FHIT: variants seen among roughly 807,000 people sequenced by gnomAD.
The protein encoded by FHIT is fragile histidine triad diadenosine triphosphatase.
FHIT carries 19 observed loss-of-function variants against 17.9 expected under a neutral mutation model. That is an observed-to-expected ratio of 1.06 (90% CI 0.74 to 1.56). The LOEUF (loss-of-function observed/expected upper bound fraction) is 1.56. Among genes scored for constraint, FHIT ranks in the 40% most tolerant of loss-of-function variants. The pLI is 0.00. For synonymous variants in FHIT, 81 were observed against 69.7 expected, an observed-to-expected ratio of 1.16 and a Z score of -0.81; for missense variants, 248 against 189.2, an observed-to-expected ratio of 1.31 and a Z score of -1.82.
At position 61,117,897 on chromosome 3, in the gene FHIT, C is replaced by T. The variant is rs186469315; in HGVS notation, c.-163-75798G>A. 7.2e-5 allele frequency among the ~76,000 whole-genome samples: 11 copies of T among 152,208 alleles called. No homozygotes were observed. In the East Asian group the frequency reaches 1.4e-3, roughly 19 times the overall value. On this transcript the variant is annotated intron_variant, in intron 2 of 9. Transcript: ENST00000492590. ...AAGATACTATAATATATTTACCGAACGAATGAACAAAGCTGCGAGTGGCAA... is the reference window on the plus strand; with the variant it reads ...AAGATACTATAATATATTTACCGAATGAATGAACAAAGCTGCGAGTGGCAA...
At chr3:60,975,081 G>A (rs1472192660) in intron 3 of FHIT, among the ~76,000 whole-genome samples, 1 of 152,160 alleles carries the variant, frequency 6.6e-6, no homozygotes, top group Admixed American at 6.5e-5. Context: ...AATAAAATGA[G>A]AATTCCTCAG....
chr3:61,204,229 A>G (rs1207386510), intron 1 of FHIT, among the ~76,000 whole-genome samples: 4 of 152,206 alleles, frequency 2.6e-5, no homozygotes, highest in Non-Finnish European at 4.4e-5. Context: ...AATTCAGGCT[A>G]TCTTTATCTT....
chr3:60,136,311 A>C (rs535291062), intron 5 of FHIT, among the ~76,000 whole-genome samples: 58 of 152,278 alleles, frequency 3.8e-4, no homozygotes, highest in African/African-American at 1.3e-3. Flanking sequence ...TAGTAACTGT[A>C]CTAACAGAGC....
chr3:60,950,418 T>C lies in FHIT; in HGVS notation c.-111+91629A>G, dbSNP rs985647161. Among the ~76,000 whole-genome samples, 17 of 152,294 alleles carry C rather than the reference T, an allele frequency of 1.1e-4. No homozygotes were observed. In the East Asian group the frequency reaches 2.1e-3, roughly 19 times the overall value. On this transcript the variant is annotated intron_variant, in intron 3 of 9. Transcript: ENST00000492590. ...ATAACCTCTTCTCTCCAGCATTCCT[T>C]GCACTTGGGAATTGTTCTATAAAAT...
intron 4 of FHIT, among the ~76,000 whole-genome samples, chr3:60,706,913 T>C (rs2041387580): frequency 6.6e-6 from 1 of 152,192 alleles, no homozygotes; most frequent in African/African-American, 2.4e-5. Flanking sequence ...TTACATCTTT[T>C]CTCATCTTGT....
rs577563075 is a variant in FHIT, at chr3:60,893,077, G to A, written c.-110-71066C>T. 4.6e-5 allele frequency among the ~76,000 whole-genome samples: 7 copies of A among 152,248 alleles called. No individual in the cohort carries two copies. In the South Asian group the frequency reaches 1.5e-3, roughly 32 times the overall value. On this transcript the variant is annotated intron_variant, in intron 3 of 9. Coordinates refer to ENST00000492590, the MANE Select transcript of FHIT (RefSeq NM_002012.4). ...TTAAGCTGAAGGAGTCTGAGAAACAGCATGTGCTGGAAGGACTCTCTGAAG... is the reference window on the plus strand; with the variant it reads ...TTAAGCTGAAGGAGTCTGAGAAACAACATGTGCTGGAAGGACTCTCTGAAG...
chr3:60,451,139 C>G (rs571077921), intron 5 of FHIT, among the ~76,000 whole-genome samples: 16 of 150,288 alleles, frequency 1.1e-4, no homozygotes, highest in African/African-American at 3.9e-4. Flanking sequence ...TTTCTTACTA[C>G]TTGAAAAAAT....
chr3:61,054,869 T>TG (rs1318596171), intron 2 of FHIT, among the ~76,000 whole-genome samples: 1 of 152,194 alleles, frequency 6.6e-6, no homozygotes, highest in African/African-American at 2.4e-5. Context: ...TGGGACACTT[T>TG]GGGGTCCCTC....
chr3:60,033,736 T>C (rs1701097629), intron 5 of FHIT, among the ~76,000 whole-genome samples: 1 of 152,214 alleles, frequency 6.6e-6, no homozygotes, highest in African/African-American at 2.4e-5. Flanking sequence ...ATCCTTTGTA[T>C]TGTTTTTGGT....
intron 7 of FHIT, among the ~76,000 whole-genome samples, chr3:59,958,897 G>C (rs143382690): frequency 6.6e-6 from 1 of 152,290 alleles, no homozygotes; most frequent in African/African-American, 2.4e-5. Context: ...TCAGTATCAG[G>C]ATTCAAAGCA....
intron 4 of FHIT, among the ~76,000 whole-genome samples, chr3:60,772,370 G>T (rs1553723355): frequency 7.0e-6 from 1 of 142,320 alleles, no homozygotes. Context: ...CATCATAGAG[G>T]CATAATCAAA....
At chr3:60,861,173 C>CTATGATATATATGATATA (rs1227815223) in intron 3 of FHIT, among the ~76,000 whole-genome samples, 2 of 1,184 alleles carry the variant, frequency 1.7e-3, no homozygotes, top group Non-Finnish European at 3.2e-3. Context: ...ATCATATGTT[C>CTATGATATATATGATATA]TATGATATAT....
At chr3:60,535,282 A>G (rs2035940374) in intron 5 of FHIT, among the ~76,000 whole-genome samples, 1 of 152,204 alleles carries the variant, frequency 6.6e-6, no homozygotes, top group Non-Finnish European at 1.5e-5. Flanking sequence ...TTTCATAGGA[A>G]TGAGAGTGAA....
chr3:59,824,906 T>A (rs1311851117), intron 8 of FHIT, among the ~76,000 whole-genome samples: 2 of 152,220 alleles, frequency 1.3e-5, no homozygotes, highest in Non-Finnish European at 2.9e-5. Flanking sequence ...CTAATTTCTT[T>A]TGGTTATCTT....
At chr3:60,305,474 G>A (rs1348178362) in intron 5 of FHIT, among the ~76,000 whole-genome samples, 1 of 152,098 alleles carries the variant, frequency 6.6e-6, no homozygotes, top group Non-Finnish European at 1.5e-5. Context: ...GCAGGGCCAT[G>A]AGTTACTGCC....
At chr3:60,833,724 C>G (rs1031714018) in intron 3 of FHIT, among the ~76,000 whole-genome samples, 1 of 152,176 alleles carries the variant, frequency 6.6e-6, no homozygotes, top group Non-Finnish European at 1.5e-5. Context: ...GACAATGACA[C>G]ATTCAAAACA....
At chr3:60,107,923 C>G (rs1704497272) in intron 5 of FHIT, among the ~76,000 whole-genome samples, 1 of 152,316 alleles carries the variant, frequency 6.6e-6, no homozygotes, top group South Asian at 2.1e-4. Context: ...GAGGCATTAT[C>G]TGTTTGACCA....
At chr3:60,139,858 T>C (rs1203441809) in intron 5 of FHIT, among the ~76,000 whole-genome samples, 1 of 151,592 alleles carries the variant, frequency 6.6e-6, no homozygotes, top group African/African-American at 2.4e-5. Context: ...ACGCAATGGC[T>C]CTCACCTGTA....
At chr3:60,316,673 G>C (rs1244849788) in intron 5 of FHIT, among the ~76,000 whole-genome samples, 1 of 152,152 alleles carries the variant, frequency 6.6e-6, no homozygotes, top group African/African-American at 2.4e-5. Flanking sequence ...AACTGCCACA[G>C]GCTCACTCAA....
Sources: gnomAD v4.1 joint callset for allele counts (sites outside exome capture counted in the v4.1 genomes callset) on GRCh38, gnomAD v4.1.1 for gene constraint, MANE v1.5 for transcripts, NCBI Gene and HGNC (gene_info 2026-07-23, HGNC 2026-07-21) for gene names.